The following RASSF2 variants were observed in gnomAD, a reference collection of about 807,000 sequenced individuals.
RASSF2 encodes the protein ras association domain-containing protein 2.
Under a neutral mutation model 46.3 loss-of-function variants are expected in RASSF2, and 34 were observed. The observed-to-expected ratio is 0.73, with a 90% CI of 0.56 to 0.98. The LOEUF is 0.98. Ranked by LOEUF, RASSF2 falls within the 50% of genes least tolerant of loss-of-function variation. The probability of loss-of-function intolerance (pLI) is 0.00; values close to 1 mark genes in which losing one functional copy is unlikely to be tolerated. For missense variants in RASSF2, 364 were observed against 431.2 expected (o/e 0.84, Z 1.38); for synonymous variants, 158 against 162.5 (o/e 0.97, Z 0.21).
At chr20:4,815,634 A>ATC (rs1034396497) in intron 2 of RASSF2, among the ~76,000 whole-genome samples, 1 of 152,170 alleles carries the variant, frequency 6.6e-6, no homozygotes, top group Non-Finnish European at 1.5e-5. Flanking sequence ...CCTGGTTTGA[A>ATC]TCTCTCTCTC....
At chr20:4,796,060 C>A in intron 4 of RASSF2, 94 bp from the exon 5 acceptor site, 7 of 1,382,444 alleles carry the variant, frequency 5.1e-6, no homozygotes, top group Non-Finnish European at 6.6e-6. Flanking sequence ...TTCACATGTC[C>A]TGGCTGGGGG....
rs184343602 is a variant in RASSF2, at chr20:4,804,141, G to A, written c.-32-3079C>T. 5.3e-5 allele frequency among the ~76,000 whole-genome samples: 8 copies of A among 152,006 alleles called. No individual in the cohort carries two copies. In the East Asian group the frequency reaches 5.8e-4, roughly 11 times the overall value. ...TAAGTTTTGGTAACTTGTTACTGCC[G>A]GTTACCATGGGTGATTCCATTCAGA... On this transcript the variant is annotated intron_variant, in intron 2 of 11. Coordinates refer to ENST00000379400, the MANE Select transcript of RASSF2 (RefSeq NM_014737.3).
intron 6 of RASSF2, among the ~76,000 whole-genome samples, chr20:4,791,795 G>C (rs1016732416): frequency 2.0e-5 from 3 of 152,174 alleles, no homozygotes; most frequent in African/African-American, 7.2e-5. Context: ...AGTAGGGAGT[G>C]ATTACATAAA....
chr20:4,804,416 C>A (rs544883919), intron 2 of RASSF2, among the ~76,000 whole-genome samples: 123 of 142,964 alleles, frequency 8.6e-4, no homozygotes, highest in African/African-American at 3.0e-3. Flanking sequence ...CAGCTCACTG[C>A]AACCTCTGCC....
intron 9 of RASSF2, 90 bp downstream of exon 9, chr20:4,788,123 TCAAA>T (rs1264488966): frequency 8.0e-7 from 1 of 1,252,498 alleles, no homozygotes. Context: ...TTTCCAAAAC[TCAAA>T]CAACAAGCAA....
chr20:4,794,732 G>A (rs1307686590), intron 5 of RASSF2, among the ~76,000 whole-genome samples: 4 of 152,138 alleles, frequency 2.6e-5, no homozygotes, highest in Non-Finnish European at 5.9e-5. Context: ...CAAAAATATG[G>A]TGATAGTGCT....
In RASSF2 at chr20:4,811,879, T is replaced by A. The variant is rs544654810; in HGVS notation, c.-33+10450A>T. ...CCTCCCTCTGAGGACAACCTGGATCTCCTGGGTTGGAGAAGAAAGTTGCTG... is the reference window on the plus strand; with the variant it reads ...CCTCCCTCTGAGGACAACCTGGATCACCTGGGTTGGAGAAGAAAGTTGCTG... On this transcript the variant is annotated intron_variant, in intron 2 of 11. Transcript: ENST00000379400. 3.2e-4 allele frequency among the ~76,000 whole-genome samples: 48 copies of A among 152,302 alleles called. 2 individuals carry two copies. In the South Asian group the frequency reaches 9.5e-3, roughly 30 times the overall value.
intron 2 of RASSF2, among the ~76,000 whole-genome samples, chr20:4,804,004 G>A (rs1281870958): frequency 6.6e-6 from 1 of 152,090 alleles, no homozygotes; most frequent in Non-Finnish European, 1.5e-5. Context: ...GCTGCAGTGA[G>A]CCACAATCAC....
chr20:4,807,667 G>T (rs1927450460), intron 2 of RASSF2, among the ~76,000 whole-genome samples: 1 of 152,204 alleles, frequency 6.6e-6, no homozygotes, highest in Non-Finnish European at 1.5e-5. Flanking sequence ...TACCTGTTGG[G>T]TGATCTCACC....
At position 4,783,153 on chromosome 20, in the gene RASSF2, A is replaced by C. The variant is rs1924987662; in HGVS notation, c.*1120T>G. On this transcript the variant is annotated 3_prime_UTR_variant, in exon 12 of 12. Coordinates refer to ENST00000379400, the MANE Select transcript of RASSF2 (RefSeq NM_014737.3). ...CTTCATTCTTGGAATGCATCTCCAC[A>C]CACAAGGTGAGGGCAACTTGCAAGA... 1 of 152,256 alleles carries C rather than the reference A, an allele frequency of 6.6e-6. No homozygotes were observed. The highest frequency in any genetic ancestry group is 1.5e-5 in the Non-Finnish European group (1 of 68,060). 9.4% of individuals were successfully genotyped at this position (152,256 alleles called of 1,614,324 possible). A position where few individuals can be genotyped will look rare whatever the true frequency, so the allele number is the denominator to read the frequency against.
rs1474382501 is a variant in RASSF2, at chr20:4,783,610, G to T, written c.*663C>A. ...CAACGTTTCCAGTGTAAAAATACGT[G>T]GGCTTATTGCATCTACCCCACGGAT... On this transcript the variant is annotated 3_prime_UTR_variant, in exon 12 of 12. Coordinates refer to ENST00000379400, the MANE Select transcript of RASSF2 (RefSeq NM_014737.3). 6.6e-6 allele frequency: 1 copy of T among 152,594 alleles called. No homozygotes were observed. The highest frequency in any genetic ancestry group is 1.5e-5 in the Non-Finnish European group (1 of 68,090). The allele number at this position is 152,594 out of a possible 1,614,324, so 9.5% of individuals were successfully genotyped here.
At chr20:4,807,852 A>AC (rs1242873580) in intron 2 of RASSF2, among the ~76,000 whole-genome samples, 1 of 152,284 alleles carries the variant, frequency 6.6e-6, no homozygotes, top group East Asian at 1.9e-4. Flanking sequence ...TGATTCTAGG[A>AC]CCCAATCCCT....
rs942523318 is a variant in RASSF2, at chr20:4,790,858, A to G, written c.377-247T>C. 6.6e-6 allele frequency among the ~76,000 whole-genome samples: 1 copy of G among 152,210 alleles called. No homozygotes were observed. The highest frequency in any genetic ancestry group is 2.4e-5 in the African/African-American group (1 of 41,460). On this transcript the variant is annotated intron_variant, in intron 6 of 11. Coordinates refer to ENST00000379400, the MANE Select transcript of RASSF2 (RefSeq NM_014737.3). This position sits in a 1 kb window ranked among gnomAD's most constrained non-coding sequence, Gnocchi z 4.3. Reference sequence around the variant, plus strand: ...AATCCCTGCTCCATGATTGCCATATATCACTAACCTCTCTGTGCCTCGGTG... The same window carrying G: ...AATCCCTGCTCCATGATTGCCATATGTCACTAACCTCTCTGTGCCTCGGTG...
chr20:4,804,582 G>A (rs542942605), intron 2 of RASSF2, among the ~76,000 whole-genome samples: 2 of 152,276 alleles, frequency 1.3e-5, no homozygotes, highest in East Asian at 3.9e-4. Flanking sequence ...CAGGTGATCT[G>A]CCCGCCTCGG....
rs1924780171 is a variant in RASSF2, at chr20:4,781,141, C to T, written c.*3132G>A. 6.6e-6 allele frequency: 1 copy of T among 152,032 alleles called. No individual in the cohort carries two copies. The allele number at this position is 152,032 out of a possible 1,614,324, so 9.4% of individuals were successfully genotyped here. On this transcript the variant is annotated 3_prime_UTR_variant, in exon 12 of 12. Transcript: ENST00000379400. ...AAGAGAGCTTCTTGCTCTTCTGTGG[C>T]CAATTTCTTCACTCTCCTGACACTT...
At chr20:4,785,886 G>C (rs771509017) in intron 11 of RASSF2, among the ~76,000 whole-genome samples, 1 of 152,162 alleles carries the variant, frequency 6.6e-6, no homozygotes, top group Non-Finnish European at 1.5e-5. Flanking sequence ...GAGCCTGATC[G>C]TATACTTAAG....
intron 2 of RASSF2, among the ~76,000 whole-genome samples, chr20:4,804,760 G>A (rs549691330): frequency 5.9e-5 from 9 of 152,178 alleles, no homozygotes; most frequent in African/African-American, 1.4e-4. Flanking sequence ...TGTCTACAAC[G>A]TGCCAAGCAT....
chr20:4,802,145 C>G (rs6116518), intron 2 of RASSF2, among the ~76,000 whole-genome samples: 73 of 152,272 alleles, frequency 4.8e-4, no homozygotes, highest in African/African-American at 1.6e-3. Context: ...GACCATAGCT[C>G]ACTGCAGCCT....
In RASSF2 at chr20:4,795,400, A is replaced by C. The variant is rs1225935904; in HGVS notation, c.287+415T>G. ...CTTTGGTCAGAAGGTTCAAGTCATA[A>C]ATGCTTTGGAGTGGGGCTATTCTAT... On this transcript the variant is annotated intron_variant, in intron 5 of 11. Coordinates refer to ENST00000379400, the MANE Select transcript of RASSF2 (RefSeq NM_014737.3). This position sits in a 1 kb window ranked among gnomAD's most constrained non-coding sequence, Gnocchi z 4.0. 1 of 157,292 alleles carries C rather than the reference A, an allele frequency of 6.4e-6. No individual in the cohort carries two copies. Among genetic ancestry groups the C allele is most frequent in the Non-Finnish European group, 1.4e-5 (1 of 71,630 alleles). The allele number at this position is 157,292 out of a possible 1,614,324, so 9.7% of individuals were successfully genotyped here. A position where few individuals can be genotyped will look rare whatever the true frequency, so the allele number is the denominator to read the frequency against.
Sources: gnomAD v4.1 joint callset for allele counts (sites outside exome capture counted in the v4.1 genomes callset) on GRCh38, gnomAD v4.1.1 for gene constraint, Gnocchi (gnomAD v3.1) non-coding constraint, MANE v1.5 for transcripts, NCBI Gene and HGNC (gene_info 2026-07-23, HGNC 2026-07-21) for gene names.